Variants in HGSNAT observed in about 807,000 individuals in gnomAD.
The protein encoded by HGSNAT is heparan-alpha-glucosaminide N-acetyltransferase.
Under a neutral mutation model 85.2 loss-of-function variants are expected in HGSNAT, and 59 were observed. The observed-to-expected ratio is 0.69, with a 90% CI of 0.56 to 0.86. The LOEUF (loss-of-function observed/expected upper bound fraction) is 0.86, where lower values mean the gene tolerates loss of function less well. Ranked by LOEUF, HGSNAT falls within the 40% of genes least tolerant of loss-of-function variation. The pLI, the probability that HGSNAT is intolerant of heterozygous loss-of-function variation, is 0.00. For synonymous variants in HGSNAT, 321 were observed against 304.5 expected (o/e 1.05, Z -0.56); for missense variants, 756 against 777.1 (o/e 0.97, Z 0.32).
chr8:43,170,650 A>G lies in HGSNAT; in HGVS notation c.699A>G (p.Leu233=), dbSNP rs756091468. The G allele has an allele frequency of 1.7e-5, 28 of 1,609,310 alleles. No individual in the cohort carries two copies. The African/African-American group carries it at 2.0e-4, about 12-fold the overall frequency. ...DGDVQPATWR[L]SALPPRLRSV... is the part of the protein sequence containing the mutation. Reference sequence around the variant, plus strand: ...ATGTTCAGCCAGCAACGTGGCGTCTATCTGCCCTGCCGCCCCGCCTCCGCA... The same window carrying G: ...ATGTTCAGCCAGCAACGTGGCGTCTGTCTGCCCTGCCGCCCCGCCTCCGCA... Residue 233 remains leucine, a synonymous_variant, in exon 7 of 18, where the codon CTA becomes CTG. Transcript: ENST00000379644.
intron 4 of HGSNAT, among the ~76,000 whole-genome samples, chr8:43,159,702 C>T (rs1803210252): frequency 6.6e-6 from 1 of 152,168 alleles, no homozygotes; most frequent in Non-Finnish European, 1.5e-5. Flanking sequence ...GGGTAATTGA[C>T]TGTCAAATAT....
chr8:43,155,147 C>G (rs776145342), intron 2 of HGSNAT, among the ~76,000 whole-genome samples: 1 of 151,950 alleles, frequency 6.6e-6, no homozygotes, highest in Non-Finnish European at 1.5e-5. Flanking sequence ...TTTTTAGGAA[C>G]CTTCATATTG....
At chr8:43,143,084 A>G (rs548737621) in intron 1 of HGSNAT, among the ~76,000 whole-genome samples, 1 of 152,342 alleles carries the variant, frequency 6.6e-6, no homozygotes, top group Admixed American at 6.5e-5. Context: ...AAAAAGAACT[A>G]TTTTAAAACG....
intron 13 of HGSNAT, among the ~76,000 whole-genome samples, chr8:43,193,004 A>T (rs1428730591): frequency 1.3e-5 from 2 of 152,186 alleles, no homozygotes; most frequent in African/African-American, 2.4e-5. Flanking sequence ...GGCCCCAGCC[A>T]ATCTTGGGGG....
chr8:43,163,667 A>C (rs998106164), intron 5 of HGSNAT, among the ~76,000 whole-genome samples: 7 of 152,016 alleles, frequency 4.6e-5, no homozygotes, highest in African/African-American at 1.7e-4. Flanking sequence ...CTGGGATTAC[A>C]GGCACGTGAC....
intron 1 of HGSNAT, among the ~76,000 whole-genome samples, chr8:43,141,199 AG>A (rs1373899771): frequency 6.6e-6 from 1 of 152,144 alleles, no homozygotes; most frequent in Non-Finnish European, 1.5e-5. Flanking sequence ...ACCGCGGAGA[AG>A]GCGGTGGGGG....
chr8:43,191,817 T>G (rs1804540236), intron 12 of HGSNAT, among the ~76,000 whole-genome samples: 2 of 152,038 alleles, frequency 1.3e-5, no homozygotes, highest in Non-Finnish European at 2.9e-5. Flanking sequence ...CCCACCTTCA[T>G]AGTGTGGGAG....
intron 1 of HGSNAT, 52 bp from the exon 2 acceptor site, chr8:43,146,896 A>G (rs1220612140): frequency 9.6e-7 from 1 of 1,042,556 alleles, no homozygotes; most frequent in African/African-American, 1.6e-5. Context: ...TCTCTAACAC[A>G]TCTTTCGGGT....
chr8:43,184,349 C>T (rs1804235359), intron 11 of HGSNAT, among the ~76,000 whole-genome samples: 1 of 152,126 alleles, frequency 6.6e-6, no homozygotes, highest in South Asian at 2.1e-4. Context: ...GAGATGGTAT[C>T]TCATTGTGGT....
intron 1 of HGSNAT, 91 bp from the exon 2 acceptor site, chr8:43,146,857 G>A (rs1036804628): frequency 1.4e-6 from 1 of 703,940 alleles, no homozygotes; most frequent in Non-Finnish European, 2.4e-6. Flanking sequence ...AGCACTACTG[G>A]AAGCAACTGT....
At chr8:43,196,161 C>T (rs1804720547) in intron 14 of HGSNAT, 1 of 298,870 alleles carries the variant, frequency 3.3e-6, no homozygotes, top group African/African-American at 2.2e-5. Flanking sequence ...CCCTCTTGTG[C>T]TTCAACAGCA....
intron 5 of HGSNAT, among the ~76,000 whole-genome samples, chr8:43,161,908 A>G (rs763952701): frequency 1.9e-4 from 29 of 152,164 alleles, no homozygotes; most frequent in Non-Finnish European, 1.5e-5. Flanking sequence ...CAGCTGCCCA[A>G]CCTCTGCCAG....
In HGSNAT at chr8:43,197,844, C is replaced by G. The variant is rs570767788; in HGVS notation, c.1618C>G (p.Leu540Val). 5.0e-6 allele frequency: 8 copies of G among 1,613,816 alleles called. No individual in the cohort carries two copies. In the African/African-American group the frequency reaches 8.0e-5, roughly 16 times the overall value. The change falls in exon 17 of 18, where the codon CTT becomes GTT. Residue 540 changes from leucine to valine, a missense_variant. Physicochemically the swap from Leu to Val is conservative, Grantham distance 32. Transcript: ENST00000379644. ...FIPVNKNLWS[L>V]SYVTTLSSFA... Reference sequence around the variant, plus strand: ...CGTCTCCTCCACCCCTCCCAGGTCCCTTTCGTATGTCACTACGCTCAGTTC... The same window carrying G: ...CGTCTCCTCCACCCCTCCCAGGTCCGTTTCGTATGTCACTACGCTCAGTTC...
At chr8:43,169,038 T>C (rs2130741462) in intron 5 of HGSNAT, 135 bp from the exon 6 acceptor site, 2 of 473,652 alleles carry the variant, frequency 4.2e-6, no homozygotes, top group South Asian at 5.3e-5. Context: ...TTTTATATTG[T>C]TAAAAAATGT....
rs1803183087 is a variant in HGSNAT, at chr8:43,158,985, G to C, written c.434G>C (p.Gly145Ala). 6.2e-7 allele frequency: 1 copy of C among 1,613,348 alleles called. No homozygotes were observed. The highest frequency in any genetic ancestry group is 1.3e-5 in the African/African-American group (1 of 74,910). The part of the protein sequence containing the change: ...YSLLVKNIHN[G>A]VSEIACDLAV... ...CTCTTGGTAAAGAACATCCATAATG[G>C]AGTTAGTGAAATTGCCTGTGACCTG... is the stretch of plus-strand genomic sequence containing the variant. Residue 145 changes from glycine to alanine, a missense_variant, in exon 4 of 18, where the codon GGA becomes GCA. Physicochemically the swap from Gly to Ala is moderately conservative, Grantham distance 60. Transcript: ENST00000379644.
intron 1 of HGSNAT, among the ~76,000 whole-genome samples, chr8:43,145,756 AAAAG>A (rs541727386): frequency 9.2e-5 from 14 of 152,106 alleles, no homozygotes; most frequent in Non-Finnish European, 1.3e-4. Context: ...ATTTAAAAAA[AAAAG>A]AAAGAAAGAG....
chr8:43,201,549 C>T lies in HGSNAT; in HGVS notation c.*1980C>T, dbSNP rs1440639522. ...TACATTTGATCTGTCATGTTTAAAC[C>T]CCCTACTTCTAAGGGAACTTCTCTA... is the stretch of plus-strand genomic sequence containing the variant. On this transcript the variant is annotated 3_prime_UTR_variant, in exon 18 of 18. Coordinates refer to ENST00000379644, the MANE Select transcript of HGSNAT (RefSeq NM_152419.3). The surrounding 1 kb of genome is among the most constrained non-coding windows in gnomAD (Gnocchi z 4.4). 1 of 152,188 alleles carries T rather than the reference C, an allele frequency of 6.6e-6. No individual in the cohort carries two copies. Among genetic ancestry groups the T allele is most frequent in the African/African-American group, 2.4e-5 (1 of 41,442 alleles). 9.4% of individuals were successfully genotyped at this position (152,188 alleles called of 1,614,324 possible).
rs1189842598 is a variant in HGSNAT, at chr8:43,202,134, C to CT, written c.*2566dup. 1.3e-5 allele frequency: 2 copies of CT among 152,922 alleles called. No individual in the cohort carries two copies. The highest frequency in any genetic ancestry group is 2.4e-5 in the African/African-American group (1 of 41,438). 9.5% of individuals were successfully genotyped at this position (152,922 alleles called of 1,614,324 possible). A position where few individuals can be genotyped will look rare whatever the true frequency, so the allele number is the denominator to read the frequency against. ...TCAGCTGGGCTACAGGGGAGCTTCT[C>CT]TAAGTCCTGCGGGAGGCCAGACCCA... On this transcript the variant is annotated 3_prime_UTR_variant, in exon 18 of 18. Coordinates refer to ENST00000379644, the MANE Select transcript of HGSNAT (RefSeq NM_152419.3).
intron 8 of HGSNAT, among the ~76,000 whole-genome samples, chr8:43,172,616 ACAG>A (rs1271987546): frequency 6.6e-6 from 1 of 152,118 alleles, no homozygotes; most frequent in African/African-American, 2.4e-5. Flanking sequence ...CACTGTAATA[ACAG>A]ACTCTAGAAG....
Sources: allele counts gnomAD v4.1 joint callset (sites outside exome capture counted in the v4.1 genomes callset), GRCh38; gene constraint gnomAD v4.1.1; non-coding constraint Gnocchi (gnomAD v3.1); transcripts MANE v1.5; gene names NCBI Gene and HGNC (gene_info 2026-07-23, HGNC 2026-07-21).